Variants in CPEB1 observed in about 807,000 individuals in gnomAD.
The protein encoded by CPEB1 is cytoplasmic polyadenylation element-binding protein 1.
In CPEB1, 7 loss-of-function variants were observed where a neutral mutation model predicts 65.8. The ratio of observed to expected loss-of-function variants is 0.11; its 90% CI spans 0.06 to 0.20. The LOEUF is 0.20. Among genes scored for constraint, CPEB1 ranks in the 10% least tolerant of loss-of-function variants. The pLI is 1.00. For missense variants in CPEB1, 551 were observed against 712.2 expected (o/e 0.77, Z 2.58); for synonymous variants, 262 against 260.0 (o/e 1.01, Z -0.08).
At position 82,603,047 on chromosome 15, in the gene CPEB1, A is replaced by C. The variant is rs74028532; in HGVS notation, c.271+24146T>G. ...AATCTGGGGAGTATTTGTTTAAAAAATAAAAACAAGATAGCTGAATCTTGG... is the reference window on the plus strand; with the variant it reads ...AATCTGGGGAGTATTTGTTTAAAAACTAAAAACAAGATAGCTGAATCTTGG... On this transcript the variant is annotated intron_variant, in intron 3 of 12. Coordinates refer to ENST00000684509, the MANE Select transcript of CPEB1 (RefSeq NM_001365242.1). Among the ~76,000 whole-genome samples the C allele has an allele frequency of 6.3e-3, 960 of 152,194 alleles. 12 individuals are homozygous for C. The highest frequency in any genetic ancestry group is 0.019 in the African/African-American group (802 of 41,550).
At chr15:82,558,689 T>G (rs1432774160) in intron 4 of CPEB1, among the ~76,000 whole-genome samples, 2 of 152,192 alleles carry the variant, frequency 1.3e-5, no homozygotes, top group African/African-American at 2.4e-5. Flanking sequence ...GTTTTCTCAC[T>G]GGCATTTAGG....
intron 1 of CPEB1, chr15:82,629,379 T>C (rs1219874265): frequency 1.1e-5 from 11 of 985,272 alleles, no homozygotes; most frequent in South Asian, 4.7e-5. Flanking sequence ...GTGGTCATTA[T>C]TAGTACATAC....
chr15:82,629,365 C>G, intron 1 of CPEB1: 3 of 985,102 alleles, frequency 3.0e-6, no homozygotes, highest in Non-Finnish European at 3.6e-6. Context: ...TTATACAACT[C>G]TATGTGGTCA....
At chr15:82,614,766 G>A (rs1596109321) in intron 3 of CPEB1, among the ~76,000 whole-genome samples, 1 of 151,894 alleles carries the variant, frequency 6.6e-6, no homozygotes, top group Non-Finnish European at 1.5e-5. Flanking sequence ...GAAACCCAAG[G>A]ATATTTAAGA....
At position 82,546,485 on chromosome 15, in the gene CPEB1, G is replaced by C; in HGVS notation, c.1612C>G (p.His538Asp). ...GGACCAGGCTGAGAACTGCAGATAT[G>C]ACACAGAGAATCTTCTAGGTAGGGG... is the stretch of plus-strand genomic sequence containing the variant. Reference protein sequence around the residue: ...IDPYLEDSLCHICSSQPGPFF... With the variant: ...IDPYLEDSLCDICSSQPGPFF... Residue 538 changes from histidine to aspartate, a missense_variant, in exon 12 of 13, where the codon CAT (histidine) becomes GAT (aspartate). By Grantham distance (81) the His-to-Asp change is moderately conservative. This residue lies in a region of CPEB1 where 98 missense variants were observed against 157.6 expected (regional missense o/e 0.62). Transcript: ENST00000684509. 1 of 1,614,044 alleles carries C rather than the reference G, an allele frequency of 6.2e-7. No homozygotes were observed. The highest frequency in any genetic ancestry group is 8.5e-7 in the Non-Finnish European group (1 of 1,179,926).
At chr15:82,641,684 T>C (rs979700783) in intron 1 of CPEB1, 1 of 151,928 alleles carries the variant, frequency 6.6e-6, no homozygotes, top group African/African-American at 2.4e-5. Context: ...CACGAATGCC[T>C]TAAATAAATC....
chr15:82,604,492 A>G (rs1567215372), intron 3 of CPEB1, among the ~76,000 whole-genome samples: 1 of 151,966 alleles, frequency 6.6e-6, no homozygotes, highest in Non-Finnish European at 1.5e-5. Context: ...TCTCAAAAAA[A>G]AAAAAAAAGA....
chr15:82,552,774 G>A (rs2036508525), intron 8 of CPEB1, among the ~76,000 whole-genome samples, 158 bp from the exon 9 acceptor site: 1 of 152,238 alleles, frequency 6.6e-6, no homozygotes. Context: ...GGAAGCATTT[G>A]CTATGCAGAT....
At chr15:82,629,580 C>A (rs1177065778) in intron 1 of CPEB1, 7 of 985,274 alleles carry the variant, frequency 7.1e-6, no homozygotes, top group African/African-American at 1.7e-5. Flanking sequence ...TCACTCCGGT[C>A]TCCCTCACTC....
intron 3 of CPEB1, among the ~76,000 whole-genome samples, chr15:82,601,964 C>CA (rs1316414501): frequency 1.3e-5 from 2 of 151,952 alleles, no homozygotes; most frequent in African/African-American, 2.4e-5. Context: ...ATTCCCCCTG[C>CA]AAAAAAGAAT....
chr15:82,579,939 A>G (rs1185321355), intron 3 of CPEB1, among the ~76,000 whole-genome samples: 1 of 121,436 alleles, frequency 8.2e-6, no homozygotes, highest in East Asian at 2.0e-4. Flanking sequence ...AAAAAAAAAA[A>G]AAAAAAAAAA....
At chr15:82,570,370 T>C (rs1369004986) in intron 4 of CPEB1, among the ~76,000 whole-genome samples, 1 of 152,030 alleles carries the variant, frequency 6.6e-6, no homozygotes, top group African/African-American at 2.4e-5. Flanking sequence ...AGCGAATGGC[T>C]GTACCACCCC....
intron 3 of CPEB1, among the ~76,000 whole-genome samples, chr15:82,616,674 C>G (rs1281820621): frequency 6.6e-6 from 1 of 151,894 alleles, no homozygotes. Context: ...TCCCAAGTAG[C>G]TGGGATTACA....
intron 3 of CPEB1, among the ~76,000 whole-genome samples, chr15:82,584,167 G>GA (rs2041549232): frequency 6.7e-6 from 1 of 148,202 alleles, no homozygotes; most frequent in Non-Finnish European, 1.5e-5. Flanking sequence ...GCTGAGGCAG[G>GA]AGAATGGCAT....
At chr15:82,640,262 C>G (rs2046998967) in intron 1 of CPEB1, among the ~76,000 whole-genome samples, 1 of 152,038 alleles carries the variant, frequency 6.6e-6, no homozygotes, top group Non-Finnish European at 1.5e-5. Flanking sequence ...GTAGCTGGTA[C>G]TACAGGTGCC....
chr15:82,571,535 G>C lies in CPEB1; in HGVS notation c.272-3C>G. The C allele has an allele frequency of 1.2e-6, 2 of 1,612,796 alleles. No homozygotes were observed. Among genetic ancestry groups the C allele is most frequent in the Non-Finnish European group, 1.7e-6 (2 of 1,179,256 alleles). On this transcript the variant is annotated splice_region_variant and splice_polypyrimidine_tract_variant and intron_variant, in intron 3 of 12. Transcript: ENST00000684509. ...TGTTTCTTCAGAGTCCTGGAAGTCT[G>C]TTTTGGAAAGGAGCACAGCAGAAAC...
intron 1 of CPEB1, chr15:82,641,604 G>A (rs901224141): frequency 2.0e-5 from 3 of 152,140 alleles, no homozygotes; most frequent in African/African-American, 4.8e-5. Flanking sequence ...ACCAAGACCC[G>A]TTTTTAGCAT....
intron 3 of CPEB1, among the ~76,000 whole-genome samples, chr15:82,607,453 T>C (rs926375106): frequency 2.6e-5 from 4 of 151,566 alleles, no homozygotes; most frequent in Non-Finnish European, 5.9e-5. Context: ...CCAGGTGTGG[T>C]GGTGTGTGCC....
At chr15:82,572,268 G>A (rs1282648320) in intron 3 of CPEB1, among the ~76,000 whole-genome samples, 1 of 152,212 alleles carries the variant, frequency 6.6e-6, no homozygotes, top group African/African-American at 2.4e-5. Context: ...TGACACAGCA[G>A]TGTTTACCAC....
Sources: allele counts gnomAD v4.1 joint callset (sites outside exome capture counted in the v4.1 genomes callset), GRCh38; gene constraint gnomAD v4.1.1; regional missense constraint gnomAD v4.1.1; transcripts MANE v1.5; gene names NCBI Gene and HGNC (gene_info 2026-07-23, HGNC 2026-07-21).